ABR: variants seen among roughly 807,000 people sequenced by gnomAD.
ABR encodes the protein ABR activator of RhoGEF and GTPase.
ABR carries 35 observed loss-of-function variants against 107.2 expected under a neutral mutation model. The ratio of observed to expected loss-of-function variants is 0.33; its 90% CI spans 0.25 to 0.43. ABR has a LOEUF of 0.43. ABR is among the 20% of genes least tolerant of loss of function. The pLI, the probability that ABR is intolerant of heterozygous loss-of-function variation, is 1.00. For synonymous variants in ABR, 498 were observed against 462.0 expected (o/e 1.08, Z -1.00); for missense variants, 815 against 1,115.2 (o/e 0.73, Z 3.83).
chr17:1,117,517 G>T (rs1453189141), intron 2 of ABR, among the ~76,000 whole-genome samples: 2,350 of 3,020 alleles, frequency 0.78, 1,144 homozygotes, highest in Admixed American at 0.88. Context: ...TCCCTGAGCC[G>T]GAGTTCCTCC....
chr17:1,054,232 A>T (rs115563494), intron 14 of ABR, among the ~76,000 whole-genome samples: 1 of 152,206 alleles, frequency 6.6e-6, no homozygotes, highest in Non-Finnish European at 1.5e-5. Context: ...GGCTTTGCAC[A>T]TGTGAGTACG....
At chr17:1,025,073 G>T (rs1208008990) in intron 16 of ABR, among the ~76,000 whole-genome samples, 1 of 119,210 alleles carries the variant, frequency 8.4e-6, no homozygotes, top group East Asian at 2.4e-4. Context: ...AGTGAGCCAA[G>T]ATTGCGCCAC....
At chr17:1,115,597 T>G (rs953769388) in intron 2 of ABR, among the ~76,000 whole-genome samples, 2 of 152,256 alleles carry the variant, frequency 1.3e-5, no homozygotes, top group Non-Finnish European at 2.9e-5. Context: ...CTAGTACAGG[T>G]CACTCCAAAA....
intron 1 of ABR, among the ~76,000 whole-genome samples, chr17:1,212,334 A>G (rs1311817402): frequency 6.6e-6 from 1 of 151,394 alleles, no homozygotes; most frequent in African/African-American, 2.4e-5. Flanking sequence ...GAGAGGCTGA[A>G]GTGGGAGGCT....
At chr17:1,093,726 T>G (rs988532159) in intron 3 of ABR, among the ~76,000 whole-genome samples, 1 of 151,816 alleles carries the variant, frequency 6.6e-6, no homozygotes, top group African/African-American at 2.4e-5. Context: ...CACGGCAAAC[T>G]CCCAGCCCAG....
At chr17:1,086,793 G>A (rs1022759389) in intron 4 of ABR, among the ~76,000 whole-genome samples, 4 of 152,160 alleles carry the variant, frequency 2.6e-5, no homozygotes, top group Non-Finnish European at 5.9e-5. Flanking sequence ...GAGCCACCAC[G>A]CCTGGCTTAG....
chr17:1,203,338 C>A (rs1382591477), intron 1 of ABR, among the ~76,000 whole-genome samples: 3 of 90,840 alleles, frequency 3.3e-5, no homozygotes, highest in African/African-American at 7.4e-5. Context: ...GGGCGGGGTC[C>A]GCGGGGAGGA....
At chr17:1,090,191 T>A (rs1217923113) in intron 4 of ABR, among the ~76,000 whole-genome samples, 1 of 152,196 alleles carries the variant, frequency 6.6e-6, no homozygotes, top group African/African-American at 2.4e-5. Flanking sequence ...AGAAAGTGCC[T>A]GCCCTGGGAA....
rs2040725116 is a variant in ABR at position 1,149,956 on chromosome 17, C to T, written c.62-24589G>A. 2.0e-5 allele frequency among the ~76,000 whole-genome samples: 3 copies of T among 152,300 alleles called. No homozygotes were observed. In the South Asian group the frequency reaches 6.2e-4, roughly 32 times the overall value. On this transcript the variant is annotated intron_variant, in intron 1 of 22. Coordinates refer to ENST00000302538, the MANE Select transcript of ABR (RefSeq NM_021962.5). ...ACATCATCCCATGCAGCTTTTGTGA[C>T]AGTTGAATGAGTTAGTCCAGGCGAA...
chr17:1,193,270 C>G (rs553282404), intron 1 of ABR, among the ~76,000 whole-genome samples: 3 of 148,392 alleles, frequency 2.0e-5, no homozygotes, highest in Non-Finnish European at 4.5e-5. Flanking sequence ...CTGGGACACC[C>G]CCTCCCCCTC....
intron 16 of ABR, among the ~76,000 whole-genome samples, chr17:1,023,017 G>A (rs1009440503): frequency 2.8e-5 from 4 of 143,732 alleles, no homozygotes; most frequent in South Asian, 2.1e-4. Flanking sequence ...AGCCTCTGCC[G>A]GCCCCACGTC....
At chr17:1,187,454 G>C (rs80056792), upstream of ABR, 9 of 152,448 alleles carry the variant, frequency 5.9e-5, no homozygotes, top group African/African-American at 2.2e-4. Flanking sequence ...AAAATCTCCA[G>C]CTTGGACACA....
At chr17:1,196,808 C>T (rs1478080287) in intron 1 of ABR, among the ~76,000 whole-genome samples, 1 of 151,970 alleles carries the variant, frequency 6.6e-6, no homozygotes, top group Non-Finnish European at 1.5e-5. Flanking sequence ...CATTCTCCTG[C>T]CTCAGCCTCC....
At chr17:1,072,872 CAAA>C in intron 7 of ABR, 118 bp from the exon 8 acceptor site, 1 of 1,327,422 alleles carries the variant, frequency 7.5e-7, no homozygotes. Context: ...CTAATTCCCG[CAAA>C]ATCTGAACTA....
intron 16 of ABR, among the ~76,000 whole-genome samples, chr17:1,030,228 G>A (rs1011681902): frequency 1.2e-4 from 19 of 152,364 alleles, no homozygotes; most frequent in Non-Finnish European, 7.3e-5. Context: ...TGGGACCTCA[G>A]GTTTAAAAGT....
intron 6 of ABR, among the ~76,000 whole-genome samples, chr17:1,077,922 A>T (rs1453822221): frequency 2.6e-5 from 4 of 152,134 alleles, no homozygotes; most frequent in Non-Finnish European, 5.9e-5. Context: ...ACCCCTTGGC[A>T]CGTCTTGCCT....
rs950902671 is a variant in ABR, at chr17:1,071,232, A to G, written c.895-1142T>C. Among the ~76,000 whole-genome samples the G allele has an allele frequency of 2.6e-5, 4 of 152,156 alleles. No homozygotes were observed. The highest frequency in any genetic ancestry group is 9.7e-5 in the African/African-American group (4 of 41,434). On this transcript the variant is annotated intron_variant, in intron 8 of 22. Coordinates refer to ENST00000302538, the MANE Select transcript of ABR (RefSeq NM_021962.5). This position sits in a 1 kb window ranked among gnomAD's most constrained non-coding sequence, Gnocchi z 5.1. ...GAGATTTTTCAGATATCCCCAGAGT[A>G]AAACAGACGACGGGATCCCCAGACG...
At chr17:1,204,648 G>A (rs1308009513) in intron 1 of ABR, among the ~76,000 whole-genome samples, 1 of 152,148 alleles carries the variant, frequency 6.6e-6, no homozygotes, top group African/African-American at 2.4e-5. Flanking sequence ...TCAGTATAGT[G>A]ACCTGCTATA....
chr17:1,072,805 T>A, intron 7 of ABR, 51 bp from the exon 8 acceptor site: 1 of 1,583,682 alleles, frequency 6.3e-7, no homozygotes, highest in Non-Finnish European at 8.5e-7. Context: ...GGGCCTGATG[T>A]GTGGCCACCG....
Sources: gnomAD v4.1 joint callset for allele counts (sites outside exome capture counted in the v4.1 genomes callset) on GRCh38, gnomAD v4.1.1 for gene constraint, Gnocchi (gnomAD v3.1) non-coding constraint, MANE v1.5 for transcripts, NCBI Gene and HGNC (gene_info 2026-07-23, HGNC 2026-07-21) for gene names.